Variants in OTOGL observed in about 807,000 individuals in gnomAD.
OTOGL encodes otogelin-like protein.
A neutral mutation model predicts 318.5 loss-of-function variants in OTOGL; 285 were observed. The ratio of observed to expected loss-of-function variants is 0.89; its 90% confidence interval spans 0.81 to 0.99. The LOEUF (loss-of-function observed/expected upper bound fraction) is 0.99, where lower values mean the gene tolerates loss of function less well. Among genes scored for constraint, OTOGL ranks in the 50% least tolerant of loss-of-function variants. The pLI is 0.00. For missense variants in OTOGL, 2,899 were observed against 2,845.6 expected (o/e 1.02, Z -0.43); for synonymous variants, 987 against 936.5 (o/e 1.05, Z -0.99).
At chr12:80,351,402 G>A (rs188175314) in intron 44 of OTOGL, among the ~76,000 whole-genome samples, 26 of 151,792 alleles carry the variant, frequency 1.7e-4, no homozygotes, top group Admixed American at 2.0e-4. Flanking sequence ...TGCAAGCTCT[G>A]CCTCCCGGGT....
chr12:80,103,244 CAT>C, intron 1 of OTOGL: 1 of 1,475,912 alleles, frequency 6.8e-7, no homozygotes, highest in South Asian at 1.1e-5. Flanking sequence ...GAAGGGAAGA[CAT>C]AATCTTCCTT....
chr12:80,365,116 T>C (rs573073298), intron 52 of OTOGL, among the ~76,000 whole-genome samples: 20 of 152,182 alleles, frequency 1.3e-4, no homozygotes, highest in African/African-American at 4.1e-4. Flanking sequence ...AAGGTAAACA[T>C]GGAGTTATTA....
At chr12:80,199,549 T>C (rs922075935) in intron 1 of OTOGL, among the ~76,000 whole-genome samples, 2 of 152,240 alleles carry the variant, frequency 1.3e-5, no homozygotes, top group Admixed American at 6.5e-5. Context: ...ATAGTGCCCA[T>C]TGAATTAGTT....
At chr12:80,122,328 CATTATG>C (rs1296519309) in intron 1 of OTOGL, among the ~76,000 whole-genome samples, 11 of 152,052 alleles carry the variant, frequency 7.2e-5, no homozygotes, top group Non-Finnish European at 1.5e-4. Flanking sequence ...TTTATGCAAC[CATTATG>C]ACATACTGGA....
intron 1 of OTOGL, among the ~76,000 whole-genome samples, chr12:80,154,404 G>C (rs1481001604): frequency 9.2e-5 from 14 of 152,134 alleles, no homozygotes; most frequent in Admixed American, 9.2e-4. Flanking sequence ...ACCACCAACT[G>C]TTATAGTTGT....
chr12:80,193,000 A>AC (rs368799711), intron 1 of OTOGL, among the ~76,000 whole-genome samples: 1 of 151,668 alleles, frequency 6.6e-6, no homozygotes, highest in Non-Finnish European at 1.5e-5. Flanking sequence ...TAAAAAAAAA[A>AC]CCGAATCAGT....
chr12:80,116,339 C>T (rs11614965), intron 1 of OTOGL, among the ~76,000 whole-genome samples: 2,074 of 152,002 alleles, frequency 0.014, 20 homozygotes, highest in Non-Finnish European at 0.023. Context: ...CAGGTGAGGT[C>T]GTGCCCCATC....
Position 80,239,338 on chromosome 12 carries a change from C to A in OTOGL, c.951C>A (p.Ile317=). 1 of 1,603,274 alleles carries A rather than the reference C, an allele frequency of 6.2e-7. No homozygotes were observed. Among genetic ancestry groups the A allele is most frequent in the Non-Finnish European group, 8.5e-7 (1 of 1,173,730 alleles). Residue 317 remains isoleucine (I), a synonymous_variant, in exon 11 of 59, where the codon ATC becomes ATA. Coordinates refer to ENST00000547103, the MANE Select transcript of OTOGL (RefSeq NM_001378609.3). ...CSSGMPAFEA[I]FFKCQILLQF... ...TGCCATCTTTTTTTGCACAGGCAAT[C>A]TTCTTCAAGTGTCAGATACTGTTGC...
chr12:80,267,414 T>A, intron 22 of OTOGL, 87 bp downstream of exon 22: 2 of 597,620 alleles, frequency 3.3e-6, no homozygotes, highest in Non-Finnish European at 4.6e-6. Flanking sequence ...TATATTTTTT[T>A]ATTATACTTT....
chr12:80,270,447 T>C (rs1883325520), intron 23 of OTOGL, among the ~76,000 whole-genome samples: 1 of 152,168 alleles, frequency 6.6e-6, no homozygotes, highest in African/African-American at 2.4e-5. Flanking sequence ...CCAAGGACTT[T>C]AGGGATATGT....
At chr12:80,245,080 G>T (rs1880754050) in intron 11 of OTOGL, among the ~76,000 whole-genome samples, 1 of 129,278 alleles carries the variant, frequency 7.7e-6, no homozygotes. Context: ...CAGATGAGTA[G>T]GTTGCAAAAA....
rs1890827646 is a variant in OTOGL at position 80,370,683 on chromosome 12, C to T, written c.6729C>T (p.Cys2243=). The T allele has an allele frequency of 6.4e-7, 1 of 1,572,396 alleles. No individual in the cohort carries two copies. Among genetic ancestry groups the T allele is most frequent in the African/African-American group, 1.4e-5 (1 of 73,376 alleles). ...GTCCCCCTTTTAATGAGACTGAATG[C>T]AAAATGGTTTGTACTTTGTTGTATC... ...MVCPPFNETE[C]KMNEGIVKLY... Residue 2243 remains cysteine (C), a synonymous_variant, in exon 56 of 59, where the codon TGC becomes TGT. Coordinates refer to ENST00000547103, the MANE Select transcript of OTOGL (RefSeq NM_001378609.3).
At chr12:80,202,246 C>T (rs1039653157) in intron 1 of OTOGL, among the ~76,000 whole-genome samples, 12 of 150,830 alleles carry the variant, frequency 8.0e-5, no homozygotes. Context: ...TTTATCTGTC[C>T]TCTTGTCTAG....
intron 26 of OTOGL, among the ~76,000 whole-genome samples, chr12:80,290,041 G>T (rs950073037): frequency 2.0e-5 from 3 of 152,168 alleles, no homozygotes; most frequent in Non-Finnish European, 2.9e-5. Context: ...GCACACAAGG[G>T]AATCTCCTGG....
intron 1 of OTOGL, among the ~76,000 whole-genome samples, chr12:80,101,799 G>A (rs1322660308): frequency 1.3e-5 from 2 of 152,144 alleles, no homozygotes; most frequent in African/African-American, 4.8e-5. Flanking sequence ...CTGTTTACTT[G>A]AGCCCACACC....
At chr12:80,357,492 C>T (rs1286324966) in intron 49 of OTOGL, among the ~76,000 whole-genome samples, 1 of 151,944 alleles carries the variant, frequency 6.6e-6, no homozygotes, top group African/African-American at 2.4e-5. Context: ...AATTTCTTTG[C>T]ATCAGTTAAG....
At chr12:80,337,286 T>C (rs1204447598) in intron 42 of OTOGL, among the ~76,000 whole-genome samples, 1 of 151,764 alleles carries the variant, frequency 6.6e-6, no homozygotes, top group African/African-American at 2.4e-5. Context: ...CTTCTTTGTG[T>C]CAGAGTTAAT....
chr12:80,126,715 T>C (rs1870864656), intron 1 of OTOGL, among the ~76,000 whole-genome samples: 2 of 152,248 alleles, frequency 1.3e-5, no homozygotes, highest in South Asian at 4.1e-4. Context: ...TTTATGAATC[T>C]GGGTGCTCTT....
chr12:80,275,302 T>G (rs1883717026), intron 24 of OTOGL, among the ~76,000 whole-genome samples: 1 of 151,892 alleles, frequency 6.6e-6, no homozygotes, highest in African/African-American at 2.4e-5. Flanking sequence ...ACGGATAACT[T>G]TGAGGGTTTT....
Sources: allele counts gnomAD v4.1 joint callset (sites outside exome capture counted in the v4.1 genomes callset), GRCh38; gene constraint gnomAD v4.1.1; transcripts MANE v1.5; gene names NCBI Gene and HGNC (gene_info 2026-07-23, HGNC 2026-07-21).